Variants in PKIB observed in about 807,000 individuals in gnomAD.
PKIB encodes the protein cAMP-dependent protein kinase inhibitor beta.
Under a neutral mutation model 4.5 loss-of-function variants are expected in PKIB, and 2 were observed. The observed-to-expected ratio is 0.44, with a 90% confidence interval of 0.18 to 1.39. The LOEUF is 1.39. PKIB is among the 40% of genes most tolerant of loss of function. The pLI is 0.27. For missense variants in PKIB, 94 were observed against 92.6 expected, an observed-to-expected ratio of 1.02 and a Z score of -0.06; for synonymous variants, 38 against 36.0, an observed-to-expected ratio of 1.06 and a Z score of -0.20.
intron 2 of PKIB, among the ~76,000 whole-genome samples, chr6:122,667,892 C>T (rs984617192): frequency 6.6e-6 from 1 of 152,134 alleles, no homozygotes; most frequent in African/African-American, 2.4e-5. Context: ...ACAGGCCACA[C>T]CTGAAAAGAT....
At position 122,614,227 on chromosome 6, in the gene PKIB, C is replaced by T. The variant is rs760138326; in HGVS notation, c.-161+3692C>T. Among the ~76,000 whole-genome samples, 18 of 152,154 alleles carry T rather than the reference C, an allele frequency of 1.2e-4. No homozygotes were observed. In the South Asian group the frequency reaches 2.3e-3, roughly 19 times the overall value. ...ATCTAGATTTGCATAATTTCCTGAA[C>T]GGGAAGAGGTATTCTCACCTAGAAT... On this transcript the variant is annotated intron_variant, in intron 1 of 4. Coordinates refer to ENST00000368452, the MANE Select transcript of PKIB (RefSeq NM_181795.3).
At chr6:122,540,113 G>C (rs1777545616) in intron 2 of PKIB, among the ~76,000 whole-genome samples, 1 of 151,774 alleles carries the variant, frequency 6.6e-6, no homozygotes, top group African/African-American at 2.4e-5. Flanking sequence ...TGATTTTGTT[G>C]ATCTTTTCAA....
intron 2 of PKIB, among the ~76,000 whole-genome samples, chr6:122,581,139 A>G (rs988361992): frequency 1.3e-5 from 2 of 152,194 alleles, no homozygotes; most frequent in African/African-American, 4.8e-5. Context: ...TTGTGGAAAT[A>G]AAAATTTAAC....
intron 1 of PKIB, among the ~76,000 whole-genome samples, chr6:122,631,797 C>T (rs1252482918): frequency 6.6e-6 from 1 of 152,180 alleles, no homozygotes; most frequent in African/African-American, 2.4e-5. Context: ...ATTCTTTTAC[C>T]AGTGCATTTG....
chr6:122,620,748 G>T (rs1026003660), intron 1 of PKIB, among the ~76,000 whole-genome samples: 3 of 152,132 alleles, frequency 2.0e-5, no homozygotes, highest in African/African-American at 7.2e-5. Context: ...GTTGAGGGAG[G>T]CAGATGTTGA....
chr6:122,675,552 G>T (rs894264741), intron 3 of PKIB, among the ~76,000 whole-genome samples: 1 of 152,042 alleles, frequency 6.6e-6, no homozygotes, highest in African/African-American at 2.4e-5. Context: ...AGTTAATATG[G>T]CTTTTCTATG....
chr6:122,678,571 T>A (rs1208100670), intron 3 of PKIB, among the ~76,000 whole-genome samples: 2 of 152,212 alleles, frequency 1.3e-5, no homozygotes, highest in East Asian at 1.9e-4. Context: ...TTTTCAGCTC[T>A]GGAGTGCAAT....
chr6:122,634,945 G>GAA (rs1194939401), intron 2 of PKIB, among the ~76,000 whole-genome samples: 2 of 116,012 alleles, frequency 1.7e-5, no homozygotes, highest in African/African-American at 3.2e-5. Flanking sequence ...CCATCTCAAA[G>GAA]AAAAAAAAAA....
At chr6:122,695,314 A>T (rs1052740372) in intron 3 of PKIB, among the ~76,000 whole-genome samples, 3 of 152,170 alleles carry the variant, frequency 2.0e-5, no homozygotes, top group African/African-American at 7.2e-5. Context: ...TTTCTGTTTT[A>T]TTCTGTGAAA....
At chr6:122,630,589 T>G (rs1775654585) in intron 1 of PKIB, among the ~76,000 whole-genome samples, 1 of 152,020 alleles carries the variant, frequency 6.6e-6, no homozygotes, top group Non-Finnish European at 1.5e-5. Flanking sequence ...GACAAAAAAG[T>G]TGTGGAGATT....
At chr6:122,491,370 T>A (rs979078146) in intron 2 of PKIB, among the ~76,000 whole-genome samples, 1 of 152,132 alleles carries the variant, frequency 6.6e-6, no homozygotes, top group Non-Finnish European at 1.5e-5. Context: ...ATGCTTGAGC[T>A]CACTCACCCA....
chr6:122,585,914 C>G (rs894618592), intron 2 of PKIB: 2 of 152,050 alleles, frequency 1.3e-5, no homozygotes, highest in Admixed American at 6.6e-5. Context: ...CTCTTTCTCT[C>G]TCTTAGGTTT....
chr6:122,656,955 T>C (rs1776797117), intron 2 of PKIB, among the ~76,000 whole-genome samples: 1 of 152,240 alleles, frequency 6.6e-6, no homozygotes, highest in Non-Finnish European at 1.5e-5. Flanking sequence ...TTCAGAATTG[T>C]AAATTGTAAA....
intron 2 of PKIB, among the ~76,000 whole-genome samples, chr6:122,667,527 A>ACT (rs71021413): frequency 0.99 from 150,124 of 152,170 alleles, 74,076 homozygotes; most frequent in Middle Eastern, 1. Flanking sequence ...ACAAAGCAAG[A>ACT]CTGTCTCAAA....
chr6:122,562,004 G>C (rs197690), intron 2 of PKIB, among the ~76,000 whole-genome samples: 2 of 79,480 alleles, frequency 2.5e-5, no homozygotes, highest in Admixed American at 1.7e-4. Flanking sequence ...GTTTTTTTTT[G>C]TTTTTTTTTT....
Position 122,725,460 on chromosome 6 carries a change from T to A in PKIB, c.*265T>A. 1 of 364,224 alleles carries A rather than the reference T, an allele frequency of 2.7e-6. No individual in the cohort carries two copies. Among genetic ancestry groups the A allele is most frequent in the Non-Finnish European group, 5.0e-6 (1 of 198,980 alleles). 22.6% of individuals were successfully genotyped at this position (364,224 alleles called of 1,614,324 possible). A position where few individuals can be genotyped will look rare whatever the true frequency, so the allele number is the denominator to read the frequency against. ...ACATGATCACAGAAATGCATACCAC[T>A]GTCTGTAAACCCAACAAAATTCACT... is the stretch of plus-strand genomic sequence containing the variant. On this transcript the variant is annotated 3_prime_UTR_variant, in exon 5 of 5. Transcript: ENST00000368452.
chr6:122,683,400 C>G (rs900477635), intron 3 of PKIB, among the ~76,000 whole-genome samples: 2 of 151,974 alleles, frequency 1.3e-5, no homozygotes, highest in Non-Finnish European at 1.5e-5. Flanking sequence ...TCCTAAATTA[C>G]CAGATCTTGA....
intron 2 of PKIB, among the ~76,000 whole-genome samples, chr6:122,562,004 G>GTTTTTTTTTTTTTTTTTTTTTTTTT (rs758656278): frequency 5.0e-5 from 4 of 79,478 alleles, no homozygotes; most frequent in South Asian, 5.3e-4. Flanking sequence ...GTTTTTTTTT[G>GTTTTTTTTTTTTTTTTTTTTTTTTT]TTTTTTTTTT....
At chr6:122,593,497 GATGTA>G (rs1195322306) in intron 3 of PKIB, among the ~76,000 whole-genome samples, 1 of 152,156 alleles carries the variant, frequency 6.6e-6, no homozygotes, top group Admixed American at 6.5e-5. Context: ...CTCTCCTTGA[GATGTA>G]GCCTCAGCAT....
Sources: gnomAD v4.1 joint callset for allele counts (sites outside exome capture counted in the v4.1 genomes callset) on GRCh38, gnomAD v4.1.1 for gene constraint, MANE v1.5 for transcripts, NCBI Gene and HGNC (gene_info 2026-07-23, HGNC 2026-07-21) for gene names.